The following CDH18 variants were observed in gnomAD, a reference collection of about 807,000 sequenced individuals.
The protein encoded by CDH18 is cadherin-18.
In CDH18, 31 loss-of-function variants were observed where a neutral mutation model predicts 67.9. The ratio of observed to expected loss-of-function variants is 0.46; its 90% confidence interval spans 0.34 to 0.62. The LOEUF (loss-of-function observed/expected upper bound fraction) is 0.62. Ranked by LOEUF, CDH18 falls within the 20% of genes least tolerant of loss-of-function variation. The pLI, the probability that CDH18 is intolerant of heterozygous loss-of-function variation, is 0.01. For missense variants in CDH18, 890 were observed against 975.5 expected, an observed-to-expected ratio of 0.91 and a Z score of 1.17; for synonymous variants, 362 against 347.2, an observed-to-expected ratio of 1.04 and a Z score of -0.48.
intron 2 of CDH18, among the ~76,000 whole-genome samples, chr5:19,874,144 A>G (rs191759611): frequency 6.6e-6 from 1 of 151,814 alleles, no homozygotes; most frequent in Admixed American, 6.6e-5. Flanking sequence ...GATTTTACCT[A>G]AATGTACAAG....
In CDH18 at chr5:20,134,765, T is replaced by C. The variant is rs184862209; in HGVS notation, c.-518+120679A>G. Among the ~76,000 whole-genome samples, 611 of 152,314 alleles carry C rather than the reference T, an allele frequency of 4.0e-3. 4 individuals are homozygous for C. The highest frequency in any genetic ancestry group is 6.4e-3 in the Non-Finnish European group (435 of 68,028). On this transcript the variant is annotated intron_variant, in intron 2 of 14. Coordinates refer to the CDH18 transcript ENST00000507958. ...ATTTCCTCCTTCCTCCTTTTGACTTTGGTCTTTCCTAAGTACTCCTCAGAA... is the reference window on the plus strand; with the variant it reads ...ATTTCCTCCTTCCTCCTTTTGACTTCGGTCTTTCCTAAGTACTCCTCAGAA...
intron 2 of CDH18, among the ~76,000 whole-genome samples, chr5:19,875,426 AGATAGATAGATAGATCGATC>A (rs1390679412): frequency 2.0e-4 from 30 of 150,030 alleles, no homozygotes; most frequent in African/African-American, 6.8e-4. Context: ...ATAGATAGAT[AGATAGATAGATAGATCGATC>A]GATCTATAGA....
intron 10 of CDH18, among the ~76,000 whole-genome samples, chr5:19,503,715 G>T (rs77333984): frequency 0.019 from 2,939 of 152,092 alleles, 78 homozygotes; most frequent in African/African-American, 0.066. Flanking sequence ...CTAGTGCTCA[G>T]GAGAAAGCAA....
intron 5 of CDH18, among the ~76,000 whole-genome samples, chr5:19,665,990 A>G (rs1442358681): frequency 6.6e-6 from 1 of 152,038 alleles, no homozygotes; most frequent in Non-Finnish European, 1.5e-5. Flanking sequence ...GCTAGTGAGA[A>G]AAGTTAAGTA....
chr5:20,142,306 G>A (rs1750306174), intron 2 of CDH18, among the ~76,000 whole-genome samples: 2 of 152,078 alleles, frequency 1.3e-5, no homozygotes, highest in African/African-American at 2.4e-5. Context: ...CAGCCCAGTT[G>A]TGGTGGTTCA....
intron 2 of CDH18, among the ~76,000 whole-genome samples, chr5:20,037,751 G>C (rs954297013): frequency 2.6e-5 from 4 of 151,964 alleles, no homozygotes; most frequent in African/African-American, 9.7e-5. Flanking sequence ...GGAGAAAGTG[G>C]GAAAGATCTA....
rs4002093 is a variant in CDH18, at chr5:20,194,036, T to C, written c.-518+61408A>G. Among the ~76,000 whole-genome samples, 1,465 of 152,184 alleles carry C rather than the reference T, an allele frequency of 9.6e-3. 27 individuals are homozygous for C. The highest frequency in any genetic ancestry group is 0.032 in the African/African-American group (1,348 of 41,548). Reference sequence around the variant, plus strand: ...CTGGAAGTCTTGTAACTTTGAACAATTGTACAAGACAAGGATGACCTCTCT... The same window carrying C: ...CTGGAAGTCTTGTAACTTTGAACAACTGTACAAGACAAGGATGACCTCTCT... On this transcript the variant is annotated intron_variant, in intron 2 of 14. Coordinates refer to the CDH18 transcript ENST00000507958.
At chr5:19,600,696 AT>A (rs1746991575) in intron 6 of CDH18, among the ~76,000 whole-genome samples, 1 of 151,926 alleles carries the variant, frequency 6.6e-6, no homozygotes, top group Non-Finnish European at 1.5e-5. Context: ...ATGGGGAGAA[AT>A]TTTTTCCTTG....
chr5:19,727,140 G>T (rs1242807713), intron 4 of CDH18, among the ~76,000 whole-genome samples: 2 of 152,106 alleles, frequency 1.3e-5, no homozygotes, highest in African/African-American at 4.8e-5. Context: ...TAAACAAAAA[G>T]TAAATGAATA....
chr5:19,497,080 A>G (rs966770634), intron 11 of CDH18, among the ~76,000 whole-genome samples: 11 of 152,066 alleles, frequency 7.2e-5, no homozygotes, highest in Non-Finnish European at 1.3e-4. Flanking sequence ...ATATATCAAG[A>G]AATAAGACCA....
At chr5:19,989,648 G>T (rs1799869046), upstream of CDH18, among the ~76,000 whole-genome samples, 1 of 152,180 alleles carries the variant, frequency 6.6e-6, no homozygotes, top group Non-Finnish European at 1.5e-5. Flanking sequence ...GATCAAAGAG[G>T]TTGAAAAGAT....
At chr5:19,666,271 T>TTAC (rs1289651768) in intron 5 of CDH18, among the ~76,000 whole-genome samples, 70 of 146,874 alleles carry the variant, frequency 4.8e-4, no homozygotes, top group African/African-American at 6.4e-4. Flanking sequence ...ATTATTATTA[T>TTAC]TATTATTATT....
intron 3 of CDH18, among the ~76,000 whole-genome samples, chr5:19,815,452 A>G (rs1037616473): frequency 9.9e-5 from 15 of 152,006 alleles, no homozygotes; most frequent in Non-Finnish European, 1.6e-4. Flanking sequence ...CATAAAAGCT[A>G]TCTTTTTTCT....
At chr5:20,363,815 T>G (rs1742300409) in intron 1 of CDH18, among the ~76,000 whole-genome samples, 1 of 151,992 alleles carries the variant, frequency 6.6e-6, no homozygotes, top group East Asian at 1.9e-4. Flanking sequence ...TTTAACAGGA[T>G]AGCAAAAAAG....
At chr5:20,431,976 A>G (rs1201301153) in intron 1 of CDH18, among the ~76,000 whole-genome samples, 1 of 152,176 alleles carries the variant, frequency 6.6e-6, no homozygotes, top group Non-Finnish European at 1.5e-5. Flanking sequence ...AGAAATAATC[A>G]GTATTTGCCT....
chr5:19,820,752 A>C (rs1779789508), intron 3 of CDH18, among the ~76,000 whole-genome samples: 1 of 152,122 alleles, frequency 6.6e-6, no homozygotes, highest in African/African-American at 2.4e-5. Flanking sequence ...TCTCACCCTG[A>C]ATTGTACCAC....
intron 2 of CDH18, among the ~76,000 whole-genome samples, chr5:20,168,133 G>A (rs1225820649): frequency 2.0e-5 from 3 of 151,978 alleles, no homozygotes; most frequent in South Asian, 2.1e-4. Flanking sequence ...TTTTTTAAAC[G>A]TAATTTTGCT....
chr5:20,132,926 CT>C (rs1273344308), intron 2 of CDH18, among the ~76,000 whole-genome samples: 2 of 151,854 alleles, frequency 1.3e-5, no homozygotes, highest in East Asian at 1.9e-4. Context: ...TTATGCAGAA[CT>C]TTTTTTTATT....
chr5:20,304,833 C>A, intron 1 of CDH18: 1 of 1,611,530 alleles, frequency 6.2e-7, no homozygotes, highest in South Asian at 1.1e-5. Flanking sequence ...TTTCAGAATT[C>A]CTGCCACTGT....
Sources: allele counts gnomAD v4.1 joint callset (sites outside exome capture counted in the v4.1 genomes callset), GRCh38; gene constraint gnomAD v4.1.1; transcripts MANE v1.5; gene names NCBI Gene and HGNC (gene_info 2026-07-23, HGNC 2026-07-21).